The following PKP2 variants were observed in gnomAD, a reference collection of about 807,000 sequenced individuals.
PKP2 encodes the protein plakophilin-2.
PKP2 carries 73 observed loss-of-function variants against 83.4 expected under a neutral mutation model. That is an observed-to-expected ratio of 0.88 (90% CI 0.72 to 1.06). The LOEUF (loss-of-function observed/expected upper bound fraction) is 1.06. Ranked by LOEUF, PKP2 falls within the 50% of genes least tolerant of loss-of-function variation. The pLI is 0.00. For missense variants in PKP2, 966 were observed against 1,065.4 expected, an observed-to-expected ratio of 0.91 and a Z score of 1.30; for synonymous variants, 409 against 430.4, an observed-to-expected ratio of 0.95 and a Z score of 0.62.
intron 3 of PKP2, among the ~76,000 whole-genome samples, chr12:32,873,334 G>A (rs946531711): frequency 1.3e-5 from 2 of 152,114 alleles, no homozygotes; most frequent in African/African-American, 2.4e-5. Context: ...CTGGGCTCCA[G>A]CAATCTGCCA....
rs370219248 is a variant in PKP2, at chr12:32,822,566, C to A, written c.1740G>T (p.Glu580Asp). 6.2e-5 allele frequency: 100 copies of A among 1,613,962 alleles called. 1 individual carries two copies. Among genetic ancestry groups the A allele is most frequent in the Middle Eastern group, 3.3e-4 (2 of 6,060 alleles). The change falls in exon 8 of 13, where the codon GAG becomes GAT. Residue 580 changes from glutamate (E) to aspartate (D), a missense_variant. Physicochemically the swap from Glu to Asp is conservative, Grantham distance 45. Transcript: ENST00000340811. ...LSYQLEAELP[E>D]KYSQNIYIQN... Reference sequence around the variant, plus strand: ...GAATATAGATATTCTGGGAATATTTCTCTGGGAGCTCTGCCTCCAGCTGGT... The same window carrying A: ...GAATATAGATATTCTGGGAATATTTATCTGGGAGCTCTGCCTCCAGCTGGT...
At chr12:32,796,399 T>C (rs1956125189) in intron 10 of PKP2, 101 bp from the exon 11 acceptor site, 4 of 1,101,814 alleles carry the variant, frequency 3.6e-6, no homozygotes, top group Non-Finnish European at 5.4e-6. Context: ...TTTTCTTTTT[T>C]TGAGACGGAA....
At chr12:32,888,646 C>T (rs1029076080) in intron 1 of PKP2, among the ~76,000 whole-genome samples, 4 of 108,778 alleles carry the variant, frequency 3.7e-5, no homozygotes, top group African/African-American at 5.8e-5. Flanking sequence ...TGCGCCACCA[C>T]GCCCAGCTTA....
intron 9 of PKP2, among the ~76,000 whole-genome samples, chr12:32,818,858 A>G (rs1956344993): frequency 6.6e-6 from 1 of 152,204 alleles, no homozygotes; most frequent in African/African-American, 2.4e-5. Flanking sequence ...TTCCTATTCA[A>G]TGATTCCTTG....
Position 32,796,238 on chromosome 12 carries a change from A to G in PKP2, c.2228T>C (p.Leu743Pro). The change falls in exon 11 of 13, where the codon CTT (leucine) becomes CCT (proline). Residue 743 changes from leucine to proline, a missense_variant. Transcript: ENST00000340811. ...IIPDTVPSTDLLIETTASACY... is the reference protein window; with the variant it reads ...IIPDTVPSTDPLIETTASACY... ...GGCAGAGGCTGTAGTTTCAATGAGA[A>G]GGTCAGTACTCGGGACTGTGTCAGG... 6.2e-7 allele frequency: 1 copy of G among 1,613,918 alleles called. No homozygotes were observed. The highest frequency in any genetic ancestry group is 8.5e-7 in the Non-Finnish European group (1 of 1,179,862).
At chr12:32,850,721 TG>T (rs769026427) in intron 5 of PKP2, 44 bp downstream of exon 5, 1 of 1,437,976 alleles carries the variant, frequency 7.0e-7, no homozygotes, top group Non-Finnish European at 9.8e-7. Flanking sequence ...GGCATCTGGC[TG>T]GGGTGCAAAT....
chr12:32,848,896 T>C (rs1956671545), intron 5 of PKP2, among the ~76,000 whole-genome samples: 1 of 151,322 alleles, frequency 6.6e-6, no homozygotes, highest in Admixed American at 6.6e-5. Context: ...ATTATATAAC[T>C]AAATGAAGCA....
intron 7 of PKP2, 101 bp from the exon 8 acceptor site, chr12:32,822,732 T>G: frequency 7.8e-7 from 1 of 1,285,676 alleles, no homozygotes; most frequent in Non-Finnish European, 1.1e-6. Context: ...GTTTACCAGA[T>G]GCAACTGGGT....
chr12:32,837,377 T>C (rs1052185367), intron 6 of PKP2, among the ~76,000 whole-genome samples: 4 of 152,218 alleles, frequency 2.6e-5, no homozygotes, highest in Admixed American at 1.3e-4. Context: ...TCCTCATCTA[T>C]AAAATGAGGA....
At chr12:32,862,778 C>T (rs917062133) in intron 4 of PKP2, among the ~76,000 whole-genome samples, 2 of 151,788 alleles carry the variant, frequency 1.3e-5, no homozygotes, top group African/African-American at 4.8e-5. Flanking sequence ...GCGGGTGGAT[C>T]CCTTGAGGTC....
intron 1 of PKP2, among the ~76,000 whole-genome samples, chr12:32,885,948 T>C (rs529543690): frequency 3.6e-4 from 55 of 152,320 alleles, no homozygotes; most frequent in Middle Eastern, 3.4e-3. Flanking sequence ...CTTTCAATCT[T>C]CTAGCACTGA....
At chr12:32,849,425 G>A (rs1956677504) in intron 5 of PKP2, among the ~76,000 whole-genome samples, 1 of 152,058 alleles carries the variant, frequency 6.6e-6, no homozygotes, top group Non-Finnish European at 1.5e-5. Context: ...CACTATGTTG[G>A]CCAGGCTGGT....
intron 6 of PKP2, among the ~76,000 whole-genome samples, chr12:32,839,350 C>A (rs1592745531): frequency 6.9e-6 from 1 of 144,442 alleles, no homozygotes. Context: ...GTGATTGGCA[C>A]AATCATTTTA....
chr12:32,888,051 G>A (rs189591949), intron 1 of PKP2, among the ~76,000 whole-genome samples: 2 of 152,174 alleles, frequency 1.3e-5, no homozygotes, highest in Admixed American at 6.5e-5. Context: ...GTGTGGTGGC[G>A]TACACCTGTA....
At chr12:32,849,723 C>A (rs996891865) in intron 5 of PKP2, among the ~76,000 whole-genome samples, 7 of 152,184 alleles carry the variant, frequency 4.6e-5, no homozygotes, top group African/African-American at 1.7e-4. Context: ...ATTAGTCCAT[C>A]TCTCCAATTC....
At chr12:32,890,964 A>G (rs1054307257) in intron 1 of PKP2, among the ~76,000 whole-genome samples, 2 of 151,898 alleles carry the variant, frequency 1.3e-5, no homozygotes, top group South Asian at 2.1e-4. Context: ...AAAAAAAAAA[A>G]AAAAGAAAAG....
chr12:32,792,221 C>T lies in PKP2; in HGVS notation c.*203G>A, dbSNP rs779904968. On this transcript the variant is annotated 3_prime_UTR_variant, in exon 13 of 13. Coordinates refer to ENST00000340811, the MANE Select transcript of PKP2 (RefSeq NM_001005242.3). ...GACCACTATTTGTCGAGCCTGTGGC[C>T]GGTATCTACTGGTGGCAAACTTGCA... The T allele has an allele frequency of 2.9e-5, 18 of 612,760 alleles. No homozygotes were observed. The highest frequency in any genetic ancestry group is 1.3e-4 in the African/African-American group (7 of 54,016). The allele number at this position is 612,760 out of a possible 1,614,324, so 38.0% of individuals were successfully genotyped here.
chr12:32,818,504 G>A (rs1164783907), intron 9 of PKP2, among the ~76,000 whole-genome samples: 1 of 152,058 alleles, frequency 6.6e-6, no homozygotes, highest in African/African-American at 2.4e-5. Flanking sequence ...TTATTTCAAT[G>A]ACTTTTAACT....
At chr12:32,834,027 T>C (rs566501852) in intron 6 of PKP2, among the ~76,000 whole-genome samples, 1 of 152,286 alleles carries the variant, frequency 6.6e-6, no homozygotes, top group East Asian at 1.9e-4. Flanking sequence ...AATGATGAAC[T>C]AAAGACTGAG....
Sources: gnomAD v4.1 joint callset for allele counts (sites outside exome capture counted in the v4.1 genomes callset) on GRCh38, gnomAD v4.1.1 for gene constraint, MANE v1.5 for transcripts, NCBI Gene and HGNC (gene_info 2026-07-23, HGNC 2026-07-21) for gene names.